RUNDC3B: variants seen among roughly 807,000 people sequenced by gnomAD.
RUNDC3B encodes RUN domain-containing protein 3B.
Under a neutral mutation model 58.4 loss-of-function variants are expected in RUNDC3B, and 33 were observed. The observed-to-expected ratio is 0.56, with a 90% CI of 0.43 to 0.75. The LOEUF (loss-of-function observed/expected upper bound fraction) is 0.75. RUNDC3B is among the 30% of genes least tolerant of loss of function. RUNDC3B has a pLI of 0.00. For synonymous variants in RUNDC3B, 193 were observed against 195.2 expected (o/e 0.99, Z 0.10); for missense variants, 501 against 535.7 (o/e 0.94, Z 0.64).
intron 9 of RUNDC3B, among the ~76,000 whole-genome samples, chr7:87,813,417 T>TA (rs1229775625): frequency 2.0e-5 from 3 of 152,200 alleles, no homozygotes; most frequent in Non-Finnish European, 2.9e-5. Flanking sequence ...TTTCAGTCCT[T>TA]ACAATATTCA....
intron 2 of RUNDC3B, among the ~76,000 whole-genome samples, chr7:87,699,866 G>T (rs1828860927): frequency 1.3e-5 from 2 of 152,166 alleles, no homozygotes; most frequent in Non-Finnish European, 2.9e-5. Flanking sequence ...AGATGAGAAT[G>T]GTTGGGTAGG....
intron 8 of RUNDC3B, among the ~76,000 whole-genome samples, chr7:87,786,527 A>T (rs963403048): frequency 2.0e-5 from 3 of 152,036 alleles, no homozygotes; most frequent in Non-Finnish European, 4.4e-5. Context: ...GGAGAAAAAT[A>T]TCAAGAGCCA....
chr7:87,648,139 C>G (rs1472786245), intron 1 of RUNDC3B, among the ~76,000 whole-genome samples: 1 of 144,578 alleles, frequency 6.9e-6, no homozygotes, highest in Admixed American at 7.1e-5. Context: ...GAGCCAAGAT[C>G]ACACCATTGC....
In RUNDC3B at chr7:87,755,047, G is replaced by A. The variant is rs1304415405; in HGVS notation, c.629+13468G>A. 2.1e-5 allele frequency among the ~76,000 whole-genome samples: 3 copies of A among 143,714 alleles called. No individual in the cohort carries two copies. In the East Asian group the frequency reaches 6.1e-4, roughly 29 times the overall value. 94.3% of individuals were successfully genotyped at this position (143,714 alleles called of 152,430 possible). ...AATTTCTTTTTTTTTTTTTGAGACA[G>A]AGTCTCACTCTGTCACCCAGGCTGG... On this transcript the variant is annotated intron_variant, in intron 6 of 10. Transcript: ENST00000394654.
intron 2 of RUNDC3B, among the ~76,000 whole-genome samples, chr7:87,684,723 G>C (rs888301368): frequency 7.7e-6 from 1 of 129,670 alleles, no homozygotes; most frequent in African/African-American, 2.9e-5. Flanking sequence ...ACTCCAGCCT[G>C]GTGACAGAGT....
chr7:87,726,264 G>T (rs369151635), intron 4 of RUNDC3B, among the ~76,000 whole-genome samples: 34 of 152,082 alleles, frequency 2.2e-4, no homozygotes, highest in East Asian at 5.8e-4. Flanking sequence ...GAATTAATTT[G>T]TGTATAAGGT....
intron 6 of RUNDC3B, among the ~76,000 whole-genome samples, chr7:87,751,787 T>C (rs1833007267): frequency 6.6e-6 from 1 of 152,200 alleles, no homozygotes; most frequent in African/African-American, 2.4e-5. Context: ...GCTGAGACAA[T>C]GGGGTTTTCT....
At chr7:87,694,003 G>A (rs200563629) in intron 2 of RUNDC3B, 2 of 1,605,512 alleles carry the variant, frequency 1.2e-6, no homozygotes, top group Non-Finnish European at 1.7e-6. Flanking sequence ...CTGCACGGGA[G>A]CATGGAATTG....
At chr7:87,720,574 GTA>G (rs1232663130) in intron 4 of RUNDC3B, among the ~76,000 whole-genome samples, 1 of 122,968 alleles carries the variant, frequency 8.1e-6, no homozygotes, top group Admixed American at 8.6e-5. Flanking sequence ...GTGTGTGTGT[GTA>G]TGCAATAATT....
At chr7:87,696,247 GC>G (rs1213522870) in intron 2 of RUNDC3B, among the ~76,000 whole-genome samples, 4 of 152,066 alleles carry the variant, frequency 2.6e-5, no homozygotes, top group Non-Finnish European at 4.4e-5. Context: ...TCAGTTTCTT[GC>G]TATATGATTG....
chr7:87,702,167 A>AC (rs1829134730), intron 3 of RUNDC3B, among the ~76,000 whole-genome samples: 1 of 150,082 alleles, frequency 6.7e-6, no homozygotes, highest in Non-Finnish European at 1.5e-5. Context: ...AAAAAAAAAA[A>AC]AAAAACAGAG....
In RUNDC3B at chr7:87,792,350, A is replaced by G. The variant is rs151165676; in HGVS notation, c.956+14395A>G. 2.3e-3 allele frequency among the ~76,000 whole-genome samples: 351 copies of G among 152,256 alleles called. 1 individual carries two copies. Among genetic ancestry groups the G allele is most frequent in the African/African-American group, 7.8e-3 (326 of 41,578 alleles). Reference sequence around the variant, plus strand: ...AGAAACATTGGATGTAATCTGCACTATAGACCAAATGGATCTCATAGATAT... The same window carrying G: ...AGAAACATTGGATGTAATCTGCACTGTAGACCAAATGGATCTCATAGATAT... On this transcript the variant is annotated intron_variant, in intron 8 of 10. Coordinates refer to ENST00000394654, the MANE Select transcript of RUNDC3B (RefSeq NM_001134405.2).
intron 8 of RUNDC3B, among the ~76,000 whole-genome samples, chr7:87,795,763 C>T (rs1348398348): frequency 6.6e-6 from 1 of 151,456 alleles, no homozygotes; most frequent in East Asian, 1.9e-4. Flanking sequence ...GTGGCGGACG[C>T]CTGTAGTCCC....
Position 87,769,730 on chromosome 7 carries a change from C to T in RUNDC3B, c.630-851C>T, listed in dbSNP as rs141862454. ...ATACATGTGCCATGGTGGTTTGCTG[C>T]ACCCATCAACCCATTATCTAGGTTT... On this transcript the variant is annotated intron_variant, in intron 6 of 10. Transcript: ENST00000394654. Among the ~76,000 whole-genome samples, 920 of 152,056 alleles carry T rather than the reference C, an allele frequency of 6.1e-3. 9 individuals carry two copies. Among genetic ancestry groups the T allele is most frequent in the African/African-American group, 0.022 (894 of 41,478 alleles).
intron 2 of RUNDC3B, among the ~76,000 whole-genome samples, chr7:87,656,169 G>A (rs1585017882): frequency 6.6e-6 from 1 of 151,916 alleles, no homozygotes; most frequent in Non-Finnish European, 1.5e-5. Context: ...ATATTAATTT[G>A]TTAATTAGTA....
intron 2 of RUNDC3B, chr7:87,659,248 A>G (rs923609314): frequency 7.2e-6 from 3 of 414,122 alleles, no homozygotes; most frequent in Admixed American, 2.7e-5. Context: ...TAGGCTTTCC[A>G]TTTTACTTTT....
chr7:87,697,568 A>G (rs1477485699), intron 2 of RUNDC3B, among the ~76,000 whole-genome samples: 2 of 152,250 alleles, frequency 1.3e-5, no homozygotes, highest in African/African-American at 2.4e-5. Context: ...AGTAATGTGA[A>G]GAATTTAACT....
rs182619338 is a variant in RUNDC3B at position 87,829,839 on chromosome 7, T to G, written c.1226-46T>G. 4.7e-4 allele frequency: 652 copies of G among 1,384,436 alleles called. 4 individuals are homozygous for G. The African/African-American group carries it at 8.5e-3, about 18-fold the overall frequency. 85.8% of individuals were successfully genotyped at this position (1,384,436 alleles called of 1,614,324 possible). A position where few individuals can be genotyped will look rare whatever the true frequency, so the allele number is the denominator to read the frequency against. Reference sequence around the variant, plus strand: ...TGGTTTTAGGATCTTATTTGTATCATTCTTGAAGGGCAATTAATTATTTGC... The same window carrying G: ...TGGTTTTAGGATCTTATTTGTATCAGTCTTGAAGGGCAATTAATTATTTGC... On this transcript the variant is annotated intron_variant, in intron 10 of 10. Coordinates refer to ENST00000394654, the MANE Select transcript of RUNDC3B (RefSeq NM_001134405.2).
chr7:87,797,066 T>G (rs1328148377), intron 8 of RUNDC3B, among the ~76,000 whole-genome samples: 1 of 152,176 alleles, frequency 6.6e-6, no homozygotes, highest in African/African-American at 2.4e-5. Flanking sequence ...TAGTTTATGT[T>G]TGGGGGCACA....
Sources: gnomAD v4.1 joint callset for allele counts (sites outside exome capture counted in the v4.1 genomes callset) on GRCh38, gnomAD v4.1.1 for gene constraint, MANE v1.5 for transcripts, NCBI Gene and HGNC (gene_info 2026-07-23, HGNC 2026-07-21) for gene names.